The following SORCS2 variants were observed in gnomAD, a reference collection of about 807,000 sequenced individuals.
The protein encoded by SORCS2 is VPS10 domain-containing receptor SorCS2.
In SORCS2, 100 loss-of-function variants were observed where a neutral mutation model predicts 141.6. The ratio of observed to expected loss-of-function variants is 0.71; its 90% CI spans 0.60 to 0.83. SORCS2 has a LOEUF of 0.83. Among genes scored for constraint, SORCS2 ranks in the 40% least tolerant of loss-of-function variants. The pLI is 0.00. For synonymous variants in SORCS2, 789 were observed against 676.9 expected (o/e 1.17, Z -2.57); for missense variants, 1,646 against 1,560.2 (o/e 1.05, Z -0.93).
At chr4:7,277,302 C>T (rs1286286694) in intron 1 of SORCS2, among the ~76,000 whole-genome samples, 1 of 152,136 alleles carries the variant, frequency 6.6e-6, no homozygotes, top group Non-Finnish European at 1.5e-5. Context: ...TTTCTGTGAC[C>T]CTGGCTGCAA....
intron 2 of SORCS2, among the ~76,000 whole-genome samples, chr4:7,464,559 G>C (rs748806167): frequency 6.6e-6 from 1 of 152,152 alleles, no homozygotes; most frequent in Non-Finnish European, 1.5e-5. Context: ...AGGGCTATGT[G>C]GTTAGGTTTG....
intron 3 of SORCS2, among the ~76,000 whole-genome samples, chr4:7,626,211 T>G (rs1335195964): frequency 1.3e-5 from 2 of 152,210 alleles, no homozygotes; most frequent in Non-Finnish European, 2.9e-5. Context: ...CATTCATAGA[T>G]GACCTAGCAG....
At chr4:7,491,124 C>T (rs1731292282) in intron 2 of SORCS2, among the ~76,000 whole-genome samples, 1 of 152,210 alleles carries the variant, frequency 6.6e-6, no homozygotes, top group South Asian at 2.1e-4. Flanking sequence ...TCTCCTCTCC[C>T]CTCCTCCAGT....
intron 3 of SORCS2, among the ~76,000 whole-genome samples, chr4:7,617,683 T>C (rs1350305411): frequency 2.0e-5 from 3 of 152,146 alleles, no homozygotes; most frequent in Non-Finnish European, 4.4e-5. Context: ...GAGTTGGCCA[T>C]GTGGAAGAAG....
At chr4:7,284,821 A>G (rs530410262) in intron 1 of SORCS2, among the ~76,000 whole-genome samples, 1 of 152,286 alleles carries the variant, frequency 6.6e-6, no homozygotes, top group East Asian at 1.9e-4. Context: ...AGGGGTCCAC[A>G]TGGCTGTGCT....
chr4:7,524,012 A>G (rs6840716), intron 2 of SORCS2, among the ~76,000 whole-genome samples: 1 of 152,058 alleles, frequency 6.6e-6, no homozygotes, highest in Non-Finnish European at 1.5e-5. Flanking sequence ...ATTCAGGGAG[A>G]TTTAATGAAG....
chr4:7,217,438 C>G (rs1406775794), intron 1 of SORCS2, among the ~76,000 whole-genome samples: 2 of 152,212 alleles, frequency 1.3e-5, no homozygotes, highest in Non-Finnish European at 2.9e-5. Flanking sequence ...GCCTCTGGGT[C>G]CATCCTGCCT....
At chr4:7,289,532 C>A (rs947014339) in intron 1 of SORCS2, among the ~76,000 whole-genome samples, 7 of 152,104 alleles carry the variant, frequency 4.6e-5, no homozygotes, top group Non-Finnish European at 8.8e-5. Flanking sequence ...GCTGGGGGCA[C>A]GTGGTAAATG....
Position 7,213,534 on chromosome 4 carries a change from C to G in SORCS2, c.480+20408C>G, listed in dbSNP as rs946557366. On this transcript the variant is annotated intron_variant, in intron 1 of 26. Transcript: ENST00000507866. Reference sequence around the variant, plus strand: ...GTGGCCACACTCATTCAGTGTTGATCTGAGTCTTCCAGTGCCCTCAAGCTT... The same window carrying G: ...GTGGCCACACTCATTCAGTGTTGATGTGAGTCTTCCAGTGCCCTCAAGCTT... Among the ~76,000 whole-genome samples, 5 of 152,224 alleles carry G rather than the reference C, an allele frequency of 3.3e-5. No homozygotes were observed. The East Asian group carries it at 9.6e-4, about 29-fold the overall frequency.
At chr4:7,357,222 A>G (rs1324882646) in intron 1 of SORCS2, among the ~76,000 whole-genome samples, 1 of 152,170 alleles carries the variant, frequency 6.6e-6, no homozygotes, top group Non-Finnish European at 1.5e-5. Context: ...GGGACTCGGG[A>G]GGGACCAGCT....
At chr4:7,661,428 AGTGTGGGGAGCAGCTGGGGGACGGGC>A in intron 5 of SORCS2, 46 bp from the exon 6 acceptor site, 1 of 1,493,576 alleles carries the variant, frequency 6.7e-7, no homozygotes, top group Non-Finnish European at 9.1e-7. Flanking sequence ...GGCTGCAGGG[AGTGTGGGGAGCAGCTGGGGGACGGGC>A]ATGGTGACTC....
chr4:7,726,941 A>G (rs369124214), intron 21 of SORCS2, 38 bp downstream of exon 21: 38 of 1,593,780 alleles, frequency 2.4e-5, no homozygotes, highest in Non-Finnish European at 3.1e-5. Context: ...CGGCCTCTGC[A>G]TCTCTGCTGC....
chr4:7,316,009 C>A (rs1318331802), intron 1 of SORCS2, among the ~76,000 whole-genome samples: 1 of 152,110 alleles, frequency 6.6e-6, no homozygotes, highest in Non-Finnish European at 1.5e-5. Context: ...ATTCATCTAT[C>A]CTTTCTATCC....
rs147957125 is a variant in SORCS2 at position 7,490,015 on chromosome 4, A to G, written c.549-41515A>G. ...GGCTGGTGTTGTATTTCAGGTCTAG[A>G]AAGATCTCCAGACAACAGGAGGAGT... On this transcript the variant is annotated intron_variant, in intron 2 of 26. Coordinates refer to ENST00000507866, the MANE Select transcript of SORCS2 (RefSeq NM_020777.3). 1.3e-4 allele frequency among the ~76,000 whole-genome samples: 20 copies of G among 152,286 alleles called. No individual in the cohort carries two copies. The East Asian group carries it at 3.7e-3, about 28-fold the overall frequency.
At position 7,233,884 on chromosome 4, in the gene SORCS2, G is replaced by A. The variant is rs537731075; in HGVS notation, c.480+40758G>A. ...GCACTTGTAATACACTGTCCTGTCC[G>A]CTATCCCATCCCCTTCTCTGGTCTC... On this transcript the variant is annotated intron_variant, in intron 1 of 26. Transcript: ENST00000507866. The surrounding 1 kb of genome is among the most constrained non-coding windows in gnomAD (Gnocchi z 4.5). 3.7e-4 allele frequency among the ~76,000 whole-genome samples: 56 copies of A among 152,282 alleles called. No individual in the cohort carries two copies. The highest frequency in any genetic ancestry group is 2.0e-3 in the Admixed American group (31 of 15,296).
At chr4:7,318,548 C>A (rs1718702530) in intron 1 of SORCS2, among the ~76,000 whole-genome samples, 1 of 152,168 alleles carries the variant, frequency 6.6e-6, no homozygotes, top group African/African-American at 2.4e-5. Context: ...ACTCTTCGTG[C>A]CCAGTTTTGA....
intron 1 of SORCS2, among the ~76,000 whole-genome samples, chr4:7,338,939 C>T (rs1475529132): frequency 1.3e-5 from 2 of 152,300 alleles, no homozygotes; most frequent in Admixed American, 1.3e-4. Flanking sequence ...CACCAGGGAG[C>T]TGTTGGTCTT....
At chr4:7,358,736 T>A (rs1721411711) in intron 1 of SORCS2, among the ~76,000 whole-genome samples, 2 of 152,252 alleles carry the variant, frequency 1.3e-5, no homozygotes, top group Admixed American at 6.5e-5. Context: ...TTGGAATGTG[T>A]TGAGATTTTC....
In SORCS2 at chr4:7,495,674, C is replaced by T. The variant is rs1423552017; in HGVS notation, c.549-35856C>T. Among the ~76,000 whole-genome samples, 6 of 152,320 alleles carry T rather than the reference C, an allele frequency of 3.9e-5. No individual in the cohort carries two copies. In the South Asian group the frequency reaches 1.2e-3, roughly 32 times the overall value. On this transcript the variant is annotated intron_variant, in intron 2 of 26. Transcript: ENST00000507866. ...CATGGACGTCAGTCACCTCATTGTG[C>T]AGATGGGGAAACTGAGGTCACGAAG...
Sources: allele counts gnomAD v4.1 joint callset (sites outside exome capture counted in the v4.1 genomes callset), GRCh38; gene constraint gnomAD v4.1.1; non-coding constraint Gnocchi (gnomAD v3.1); transcripts MANE v1.5; gene names NCBI Gene and HGNC (gene_info 2026-07-23, HGNC 2026-07-21).